AKR1C3: variants seen among roughly 807,000 people sequenced by gnomAD.
AKR1C3 encodes the protein 3-alpha hydroxysteroid dehydrogenase, type II.
Under a neutral mutation model 43.6 loss-of-function variants are expected in AKR1C3, and 48 were observed. The ratio of observed to expected loss-of-function variants is 1.10; its 90% CI spans 0.87 to 1.40. AKR1C3 has a LOEUF of 1.40. Among genes scored for constraint, AKR1C3 ranks in the 40% most tolerant of loss-of-function variants. The pLI is 0.00. For missense variants in AKR1C3, 482 were observed against 391.2 expected (o/e 1.23, Z -1.96); for synonymous variants, 162 against 139.6 (o/e 1.16, Z -1.13).
intron 1 of AKR1C3, among the ~76,000 whole-genome samples, chr10:5,084,675 C>T (rs1554782744): frequency 6.6e-6 from 1 of 152,096 alleles, no homozygotes; most frequent in African/African-American, 2.4e-5. Flanking sequence ...GGCAGTATGG[C>T]CATTTTCATG....
upstream of AKR1C3, among the ~76,000 whole-genome samples, chr10:5,091,302 C>T (rs1478185546): frequency 2.6e-5 from 4 of 152,094 alleles, no homozygotes; most frequent in Non-Finnish European, 4.4e-5. Flanking sequence ...TTACCACAAA[C>T]GTTATGGCTT....
At chr10:5,091,573 G>C (rs1554784178), upstream of AKR1C3, among the ~76,000 whole-genome samples, 1 of 151,586 alleles carries the variant, frequency 6.6e-6, no homozygotes, top group Admixed American at 6.6e-5. Flanking sequence ...TTTCTCAATT[G>C]CTCTTTTATT....
At chr10:5,082,748 C>G (rs1838864167) in intron 1 of AKR1C3, among the ~76,000 whole-genome samples, 1 of 152,018 alleles carries the variant, frequency 6.6e-6, no homozygotes, top group Non-Finnish European at 1.5e-5. Flanking sequence ...ATATGTTCCT[C>G]TAGTTTTATT....
At position 5,065,196 on chromosome 10, in the gene AKR1C3, T is replaced by G. The variant is rs55654458; in HGVS notation, c.84+16301T>G. Among the ~76,000 whole-genome samples the G allele has an allele frequency of 7.1e-3, 1,077 of 151,850 alleles. 10 individuals carry two copies. Among genetic ancestry groups the G allele is most frequent in the Admixed American group, 0.012 (182 of 15,296 alleles). On this transcript the variant is annotated intron_variant, in intron 1 of 8. Transcript: ENST00000439082. ...TCAACCATTGTAGAAAGCAGTGTGG[T>G]GATTTCTCAAAGAACTTAAAACAAA...
intron 1 of AKR1C3, among the ~76,000 whole-genome samples, chr10:5,075,107 C>G (rs542155935): frequency 2.6e-5 from 4 of 152,288 alleles, no homozygotes; most frequent in Middle Eastern, 3.4e-3. Context: ...TTGACAATAA[C>G]AAGACCTCTG....
At chr10:5,054,681 C>T (rs1486232227) in intron 1 of AKR1C3, among the ~76,000 whole-genome samples, 1 of 151,968 alleles carries the variant, frequency 6.6e-6, no homozygotes, top group Non-Finnish European at 1.5e-5. Context: ...CTGTGTCTGT[C>T]CCTCTTTCTC....
chr10:5,087,888 A>AT (rs1412425969), intron 1 of AKR1C3, among the ~76,000 whole-genome samples: 1 of 150,982 alleles, frequency 6.6e-6, no homozygotes, highest in Non-Finnish European at 1.5e-5. Flanking sequence ...GTTTGCTCTT[A>AT]TTTTTCTAGT....
At chr10:5,099,180 T>C in intron 4 of AKR1C3, 147 bp from the exon 5 acceptor site, 7 of 1,357,966 alleles carry the variant, frequency 5.2e-6, no homozygotes, top group Non-Finnish European at 7.0e-6. Context: ...CCCTATTTGC[T>C]GTTTGAATTT....
chr10:5,092,475 T>C (rs1554784384), upstream of AKR1C3, among the ~76,000 whole-genome samples: 1 of 98,442 alleles, frequency 1.0e-5, no homozygotes, highest in Non-Finnish European at 2.0e-5. Flanking sequence ...TGTTCACATC[T>C]CTTTACTCTT....
rs781940217 is a variant in AKR1C3 at position 5,107,500 on chromosome 10, T to G, written c.969T>G (p.Tyr323Ter). The part of the protein sequence containing the change: ...SHPNYPYSDE[Y>*] Reference sequence around the variant, plus strand: ...CTAATTATCCATATTCAGATGAATATTAACATGGAGGGCTTTGCCTGATGT... The same window carrying G: ...CTAATTATCCATATTCAGATGAATAGTAACATGGAGGGCTTTGCCTGATGT... Residue 323 changes from tyrosine to a stop codon, truncating the protein, a stop_gained, in exon 9 of 9, where the codon TAT becomes TAG. Transcript: ENST00000380554. LOFTEE classifies it high-confidence loss of function. The G allele has an allele frequency of 1.4e-4, 220 of 1,589,170 alleles. No homozygotes were observed. Among genetic ancestry groups the G allele is most frequent in the Non-Finnish European group, 1.9e-4 (217 of 1,157,908 alleles).
intron 5 of AKR1C3, 59 bp from the exon 6 acceptor site, chr10:5,102,042 T>C: frequency 9.1e-7 from 1 of 1,094,026 alleles, no homozygotes; most frequent in Non-Finnish European, 1.4e-6. Context: ...TTTCATCTTT[T>C]CAATATTAAC....
At chr10:5,073,118 C>T (rs1554781471) in intron 1 of AKR1C3, among the ~76,000 whole-genome samples, 1 of 151,908 alleles carries the variant, frequency 6.6e-6, no homozygotes, top group African/African-American at 2.4e-5. Flanking sequence ...CAGGCACCAC[C>T]CCACCCAGCT....
intron 1 of AKR1C3, among the ~76,000 whole-genome samples, chr10:5,085,286 GC>G (rs781986860): frequency 2.6e-4 from 40 of 151,720 alleles, no homozygotes; most frequent in Admixed American, 3.3e-4. Flanking sequence ...TTAGCATGAA[GC>G]GTTGTTGAAT....
At chr10:5,088,367 G>GTT (rs1250644567) in intron 1 of AKR1C3, among the ~76,000 whole-genome samples, 148 of 147,392 alleles carry the variant, frequency 1.0e-3, no homozygotes, top group African/African-American at 3.3e-3. Flanking sequence ...AGTCCAGAGA[G>GTT]TTTTTTTTTT....
At chr10:5,099,516 ATC>A in intron 5 of AKR1C3, 67 bp downstream of exon 5, 1 of 1,607,096 alleles carries the variant, frequency 6.2e-7, no homozygotes, top group Non-Finnish European at 8.5e-7. Context: ...ATTGCCAAAT[ATC>A]TGTTTGTTTT....
chr10:5,097,199 C>T (rs879961247), intron 2 of AKR1C3, among the ~76,000 whole-genome samples: 5 of 152,180 alleles, frequency 3.3e-5, no homozygotes, highest in South Asian at 2.1e-4. Flanking sequence ...CTAATCTTTA[C>T]ATTTTAAGAA....
At chr10:5,055,421 A>G (rs1450027170) in intron 1 of AKR1C3, among the ~76,000 whole-genome samples, 1 of 152,230 alleles carries the variant, frequency 6.6e-6, no homozygotes, top group Non-Finnish European at 1.5e-5. Flanking sequence ...CTAAGTAGGC[A>G]GTTGTCTGAC....
intron 1 of AKR1C3, among the ~76,000 whole-genome samples, chr10:5,075,685 A>G (rs1286470280): frequency 6.6e-6 from 1 of 151,970 alleles, no homozygotes; most frequent in Non-Finnish European, 1.5e-5. Flanking sequence ...GACCAGCCTG[A>G]CCAACGTGAA....
chr10:5,051,893 T>C (rs1470675442), intron 1 of AKR1C3, among the ~76,000 whole-genome samples: 1 of 152,232 alleles, frequency 6.6e-6, no homozygotes, highest in Non-Finnish European at 1.5e-5. Context: ...CTTTACCTAC[T>C]TTGGTCTCCA....
Sources: gnomAD v4.1 joint callset for allele counts (sites outside exome capture counted in the v4.1 genomes callset) on GRCh38, gnomAD v4.1.1 for gene constraint, MANE v1.5 for transcripts, NCBI Gene and HGNC (gene_info 2026-07-23, HGNC 2026-07-21) for gene names.